Variants in SSBP2 observed in about 807,000 individuals in gnomAD.
SSBP2 encodes single-stranded DNA-binding protein 2.
In SSBP2, 17 loss-of-function variants were observed where a neutral mutation model predicts 61.8. The observed-to-expected ratio is 0.28, with a 90% CI of 0.19 to 0.41. The LOEUF is 0.41. Ranked by LOEUF, SSBP2 falls within the 10% of genes least tolerant of loss-of-function variation. The pLI is 1.00. For synonymous variants in SSBP2, 139 were observed against 141.3 expected (o/e 0.98, Z 0.12); for missense variants, 310 against 458.7 (o/e 0.68, Z 2.96).
At chr5:81,540,998 T>C (rs1055841837) in intron 4 of SSBP2, among the ~76,000 whole-genome samples, 8 of 151,916 alleles carry the variant, frequency 5.3e-5, no homozygotes, top group African/African-American at 1.9e-4. Context: ...CAATGTGTGA[T>C]TCTATAGCTA....
chr5:81,539,452 A>C (rs973363603), intron 4 of SSBP2, among the ~76,000 whole-genome samples: 1 of 152,240 alleles, frequency 6.6e-6, no homozygotes, highest in Non-Finnish European at 1.5e-5. Context: ...AACTGAGTTG[A>C]TAAAGCAGCG....
intron 1 of SSBP2, among the ~76,000 whole-genome samples, chr5:81,724,230 T>C (rs1198669703): frequency 6.6e-6 from 1 of 151,998 alleles, no homozygotes; most frequent in African/African-American, 2.4e-5. Flanking sequence ...ACAAATTAAT[T>C]TGGGGAGAAC....
At chr5:81,650,509 GAACTT>G (rs1749636658) in intron 1 of SSBP2, among the ~76,000 whole-genome samples, 170 bp from the exon 2 acceptor site, 1 of 151,902 alleles carries the variant, frequency 6.6e-6, no homozygotes, top group Non-Finnish European at 1.5e-5. Context: ...TGTTCAGAAA[GAACTT>G]AAAGTAATTA....
intron 9 of SSBP2, among the ~76,000 whole-genome samples, chr5:81,465,651 C>T (rs754283057): frequency 6.6e-6 from 1 of 151,730 alleles, no homozygotes. Flanking sequence ...AACATCATAC[C>T]CCTTAAAATC....
chr5:81,676,556 C>CTAAT (rs1752002759), intron 1 of SSBP2, among the ~76,000 whole-genome samples: 1 of 152,134 alleles, frequency 6.6e-6, no homozygotes, highest in East Asian at 1.9e-4. Flanking sequence ...CGTTTCACAG[C>CTAAT]TAATTACCTT....
intron 1 of SSBP2, among the ~76,000 whole-genome samples, chr5:81,745,172 A>T (rs984598589): frequency 1.3e-5 from 2 of 152,108 alleles, no homozygotes; most frequent in Admixed American, 6.5e-5. Context: ...ATGTCCTCAC[A>T]CAAAGAATAA....
At chr5:81,435,012 C>CGGATA (rs1251276455) in intron 15 of SSBP2, among the ~76,000 whole-genome samples, 1 of 152,156 alleles carries the variant, frequency 6.6e-6, no homozygotes, top group Non-Finnish European at 1.5e-5. Context: ...ATGGTACTAT[C>CGGATA]ACCCAGGGGT....
chr5:81,610,296 C>G (rs1394426787), intron 4 of SSBP2, among the ~76,000 whole-genome samples: 4 of 152,194 alleles, frequency 2.6e-5, no homozygotes, highest in Non-Finnish European at 5.9e-5. Flanking sequence ...TTATGTCTAC[C>G]AAAATCACTT....
intron 12 of SSBP2, among the ~76,000 whole-genome samples, chr5:81,444,361 C>G (rs1763233726): frequency 6.6e-6 from 1 of 152,184 alleles, no homozygotes; most frequent in Non-Finnish European, 1.5e-5. Context: ...TGAAATTCTA[C>G]TCACTATCGA....
chr5:81,638,851 T>A lies in SSBP2; in HGVS notation c.136-2233A>T, dbSNP rs187583363. ...CATAAATGGAAAAAGTAAAAATGAATCATTTAAACAGAAAATTAAGCTTCT... is the reference window on the plus strand; with the variant it reads ...CATAAATGGAAAAAGTAAAAATGAAACATTTAAACAGAAAATTAAGCTTCT... On this transcript the variant is annotated intron_variant, in intron 2 of 16. Transcript: ENST00000320672. Among the ~76,000 whole-genome samples the A allele has an allele frequency of 3.1e-3, 470 of 152,256 alleles. 1 individual carries two copies. Among genetic ancestry groups the A allele is most frequent in the African/African-American group, 9.0e-3 (374 of 41,538 alleles).
chr5:81,524,651 ATTC>A (rs1315633882), intron 4 of SSBP2, among the ~76,000 whole-genome samples: 3 of 152,032 alleles, frequency 2.0e-5, no homozygotes, highest in Non-Finnish European at 2.9e-5. Context: ...GGTTAAAGCA[ATTC>A]TTCTTCTGGT....
intron 16 of SSBP2, among the ~76,000 whole-genome samples, chr5:81,426,560 T>C (rs80017897): frequency 0.015 from 2,222 of 152,322 alleles, 45 homozygotes; most frequent in African/African-American, 0.05. Context: ...GAAGAAGCCT[T>C]GTTCCAGCTG....
intron 3 of SSBP2, among the ~76,000 whole-genome samples, chr5:81,632,481 G>A (rs190021446): frequency 1.9e-3 from 288 of 152,290 alleles, no homozygotes; most frequent in Non-Finnish European, 3.1e-3. Context: ...AGATTGGCAG[G>A]AGGCAGGGAC....
rs868421887 is a variant in SSBP2, at chr5:81,617,743, C to T, written c.198-2186G>A. ...CTCAAAGGAAAGCCCATCAGACTAA[C>T]AGCGGATCTCTCGGCAGAAACCCTA... On this transcript the variant is annotated intron_variant, in intron 3 of 16. Coordinates refer to ENST00000320672, the MANE Select transcript of SSBP2 (RefSeq NM_012446.5). Among the ~76,000 whole-genome samples, 322 of 93,660 alleles carry T rather than the reference C, an allele frequency of 3.4e-3. 7 individuals are homozygous for T. The highest frequency in any genetic ancestry group is 9.8e-3 in the Middle Eastern group (2 of 204). The allele number at this position is 93,660 out of a possible 152,430, so 61.4% of individuals were successfully genotyped here. A position where few individuals can be genotyped will look rare whatever the true frequency, so the allele number is the denominator to read the frequency against.
At chr5:81,567,594 T>C (rs1219099073) in intron 4 of SSBP2, among the ~76,000 whole-genome samples, 1 of 151,352 alleles carries the variant, frequency 6.6e-6, no homozygotes, top group Non-Finnish European at 1.5e-5. Context: ...TACTGCCTAC[T>C]GGACCTATGA....
At chr5:81,433,419 T>G (rs1325108367) in intron 15 of SSBP2, among the ~76,000 whole-genome samples, 1 of 151,990 alleles carries the variant, frequency 6.6e-6, no homozygotes, top group Non-Finnish European at 1.5e-5. Context: ...GCATGCTCGT[T>G]AAGAGTCATC....
At chr5:81,471,917 G>A (rs1173194130) in intron 8 of SSBP2, among the ~76,000 whole-genome samples, 1 of 151,720 alleles carries the variant, frequency 6.6e-6, no homozygotes, top group Non-Finnish European at 1.5e-5. Flanking sequence ...TTATATGTTG[G>A]TTAGAAACAA....
chr5:81,706,452 A>G (rs528718266), intron 1 of SSBP2, among the ~76,000 whole-genome samples: 1 of 152,220 alleles, frequency 6.6e-6, no homozygotes, highest in East Asian at 1.9e-4. Flanking sequence ...CATGCAACAA[A>G]TCTGTACATG....
intron 15 of SSBP2, among the ~76,000 whole-genome samples, chr5:81,433,897 G>GAT (rs1292399379): frequency 1.3e-5 from 2 of 152,196 alleles, no homozygotes; most frequent in East Asian, 3.8e-4. Flanking sequence ...AAGTGCAATT[G>GAT]ATAGTGTGAG....
Sources: allele counts gnomAD v4.1 joint callset (sites outside exome capture counted in the v4.1 genomes callset), GRCh38; gene constraint gnomAD v4.1.1; transcripts MANE v1.5; gene names NCBI Gene and HGNC (gene_info 2026-07-23, HGNC 2026-07-21).